BPNT1: variants seen among roughly 807,000 people sequenced by gnomAD.
The protein encoded by BPNT1 is 3'(2'), 5'-bisphosphate nucleotidase 1.
BPNT1 carries 28 observed loss-of-function variants against 36.9 expected under a neutral mutation model. The observed-to-expected ratio is 0.76, with a 90% CI of 0.56 to 1.04. The LOEUF is 1.04. Among genes scored for constraint, BPNT1 ranks in the 50% least tolerant of loss-of-function variants. The pLI is 0.00. For missense variants in BPNT1, 313 were observed against 372.9 expected, an observed-to-expected ratio of 0.84 and a Z score of 1.32; for synonymous variants, 119 against 130.9, an observed-to-expected ratio of 0.91 and a Z score of 0.62.
At chr1:220,088,801 A>AAAG (rs1553265797) in intron 1 of BPNT1, among the ~76,000 whole-genome samples, 13 of 148,314 alleles carry the variant, frequency 8.8e-5, no homozygotes, top group Non-Finnish European at 1.7e-4. Flanking sequence ...AAAAAAAAAA[A>AAAG]AAAAGAAAGA....
intron 1 of BPNT1, 67 bp from the exon 2 acceptor site, chr1:220,079,921 T>A: frequency 6.7e-7 from 1 of 1,503,536 alleles, no homozygotes. Context: ...TTTATTTAAA[T>A]CCAACTCAAC....
In BPNT1 at chr1:220,069,388, G is replaced by C. The variant is rs34136285; in HGVS notation, c.378C>G (p.Thr126=). Residue 126 remains threonine (T), a synonymous_variant, in exon 5 of 9, where the codon ACC becomes ACG. Transcript: ENST00000322067. The part of the protein sequence containing the change: ...VDPLDGTKEY[T]EGLLDNVTVL... ...GAATACAAAAGAGATATCAACCTTCGGTATATTCCTTGGTTCCATCCAGAG... is the reference window on the plus strand; with the variant it reads ...GAATACAAAAGAGATATCAACCTTCCGTATATTCCTTGGTTCCATCCAGAG... 1.1e-5 allele frequency: 18 copies of C among 1,598,152 alleles called. No homozygotes were observed. Among genetic ancestry groups the C allele is most frequent in the East Asian group, 4.5e-5 (2 of 44,280 alleles).
chr1:220,084,273 A>C (rs1490683102), intron 1 of BPNT1, among the ~76,000 whole-genome samples: 2 of 151,866 alleles, frequency 1.3e-5, no homozygotes, highest in African/African-American at 4.8e-5. Context: ...TGGAGGTTGC[A>C]GTGAGCTGAG....
intron 6 of BPNT1, chr1:220,066,081 C>T (rs1197704951): frequency 6.6e-7 from 1 of 1,523,348 alleles, no homozygotes; most frequent in Non-Finnish European, 8.8e-7. Flanking sequence ...ACCTTTGCTT[C>T]ATTCCTGTGT....
At chr1:220,072,079 G>T (rs1222122939) in intron 4 of BPNT1, among the ~76,000 whole-genome samples, 9 of 151,410 alleles carry the variant, frequency 5.9e-5, no homozygotes, top group African/African-American at 1.7e-4. Context: ...AGATGGTGCT[G>T]GGGCCAGGTA....
Position 220,058,525 on chromosome 1 carries a change from T to G in BPNT1, c.*319A>C. 4.0e-6 allele frequency: 4 copies of G among 1,001,976 alleles called. No homozygotes were observed. Among genetic ancestry groups the G allele is most frequent in the Non-Finnish European group, 4.8e-6 (4 of 836,812 alleles). 62.1% of individuals were successfully genotyped at this position (1,001,976 alleles called of 1,614,324 possible). On this transcript the variant is annotated 3_prime_UTR_variant, in exon 9 of 9. Coordinates refer to ENST00000322067, the MANE Select transcript of BPNT1 (RefSeq NM_006085.6). ...AGTAAATGAAACTTTAAGTACTTTT[T>G]GGGTTTTTGTTTTTTTTTTTTCTGA...
rs1229887992 is a variant in BPNT1, at chr1:220,089,192, T to C, written c.-9+494A>G. On this transcript the variant is annotated intron_variant, in intron 1 of 8. Transcript: ENST00000322067. ...AGAAAGAAGAAGAGTTTGTCCTTTG[T>C]CCAGTTTGCAAGGGTGTGAGGGAAC... is the stretch of plus-strand genomic sequence containing the variant. Among the ~76,000 whole-genome samples the C allele has an allele frequency of 3.3e-5, 5 of 151,500 alleles. 1 individual carries two copies. The South Asian group carries it at 1.0e-3, about 32-fold the overall frequency.
chr1:220,084,311 C>T (rs1655511734), intron 1 of BPNT1, among the ~76,000 whole-genome samples: 1 of 149,298 alleles, frequency 6.7e-6, no homozygotes, highest in Non-Finnish European at 1.5e-5. Context: ...CCACCCTGGG[C>T]AACATAGCGA....
chr1:220,087,123 A>G (rs1022517073), intron 1 of BPNT1, among the ~76,000 whole-genome samples: 8 of 151,998 alleles, frequency 5.3e-5, no homozygotes, highest in Admixed American at 1.3e-4. Flanking sequence ...TGATATAAAT[A>G]CATTTCAATG....
chr1:220,072,260 G>A (rs1048107800), intron 4 of BPNT1, among the ~76,000 whole-genome samples: 1 of 151,832 alleles, frequency 6.6e-6, no homozygotes, highest in Non-Finnish European at 1.5e-5. Context: ...CTACTTGGGA[G>A]GCTGAGGCAG....
chr1:220,060,796 A>G (rs1662956552), intron 7 of BPNT1, among the ~76,000 whole-genome samples: 2 of 152,110 alleles, frequency 1.3e-5, no homozygotes. Flanking sequence ...GGTTGTATGT[A>G]TTTTAGAGAG....
At chr1:220,061,295 A>G (rs1350222769) in intron 7 of BPNT1, among the ~76,000 whole-genome samples, 1 of 152,204 alleles carries the variant, frequency 6.6e-6, no homozygotes, top group Non-Finnish European at 1.5e-5. Flanking sequence ...GTAACCTGCT[A>G]TCAAACTTTC....
chr1:220,079,617 G>A lies in BPNT1; in HGVS notation c.120+110C>T, dbSNP rs527458885. The A allele has an allele frequency of 5.3e-4, 714 of 1,335,122 alleles. 6 individuals carry two copies. Among genetic ancestry groups the A allele is most frequent in the South Asian group, 5.1e-3 (387 of 76,064 alleles). The allele number at this position is 1,335,122 out of a possible 1,614,324, so 82.7% of individuals were successfully genotyped here. On this transcript the variant is annotated intron_variant, in intron 2 of 8. Coordinates refer to ENST00000322067, the MANE Select transcript of BPNT1 (RefSeq NM_006085.6). ...CAAGCGTCTTGCAGTCTCCCTAAGG[G>A]AGCCATCAATTATTTTAACTGATAA...
At chr1:220,068,544 C>T (rs1663752042) in intron 5 of BPNT1, among the ~76,000 whole-genome samples, 2 of 151,934 alleles carry the variant, frequency 1.3e-5, no homozygotes, top group Admixed American at 6.6e-5. Context: ...GGTGCGGTGG[C>T]TCACACCTGT....
intron 5 of BPNT1, among the ~76,000 whole-genome samples, chr1:220,068,911 G>C (rs1003220532): frequency 7.2e-5 from 11 of 152,162 alleles, no homozygotes; most frequent in African/African-American, 2.4e-4. Flanking sequence ...TCTCATCTTA[G>C]ATAAGGAGAA....
intron 7 of BPNT1, among the ~76,000 whole-genome samples, chr1:220,060,678 A>G (rs557952796): frequency 5.9e-5 from 9 of 151,930 alleles, no homozygotes; most frequent in African/African-American, 2.2e-4. Context: ...TTTTTTTTTA[A>G]AAATATTTGA....
chr1:220,062,511 T>C (rs1440510424), intron 7 of BPNT1, among the ~76,000 whole-genome samples: 4 of 152,056 alleles, frequency 2.6e-5, no homozygotes, highest in Non-Finnish European at 5.9e-5. Flanking sequence ...CCATGGTGTA[T>C]ATGTGCCACA....
intron 1 of BPNT1, 37 bp from the exon 2 acceptor site, chr1:220,079,891 A>G: frequency 1.3e-6 from 2 of 1,590,576 alleles, no homozygotes; most frequent in Non-Finnish European, 1.7e-6. Context: ...TGTTAGTTTC[A>G]AAGCCAACTA....
chr1:220,062,066 A>T lies in BPNT1; in HGVS notation c.672+691T>A, dbSNP rs187200207. Among the ~76,000 whole-genome samples, 55 of 152,028 alleles carry T rather than the reference A, an allele frequency of 3.6e-4. No individual in the cohort carries two copies. In the East Asian group the frequency reaches 0.01, roughly 28 times the overall value. ...AAAAAAAAAAAAACTTGATTCTTAA[A>T]TTTATTTTTAAAATTTAAATGCTGC... is the stretch of plus-strand genomic sequence containing the variant. On this transcript the variant is annotated intron_variant, in intron 7 of 8. Transcript: ENST00000322067.
Sources: gnomAD v4.1 joint callset for allele counts (sites outside exome capture counted in the v4.1 genomes callset) on GRCh38, gnomAD v4.1.1 for gene constraint, MANE v1.5 for transcripts, NCBI Gene and HGNC (gene_info 2026-07-23, HGNC 2026-07-21) for gene names.